Variants in DPP6 observed in about 807,000 individuals in gnomAD.
The protein encoded by DPP6 is dipeptidyl peptidase like 6.
Under a neutral mutation model 122.6 loss-of-function variants are expected in DPP6, and 69 were observed. The observed-to-expected ratio is 0.56, with a 90% CI of 0.46 to 0.69. The LOEUF (loss-of-function observed/expected upper bound fraction) is 0.69. DPP6 is among the 30% of genes least tolerant of loss of function. DPP6 has a pLI of 0.00. For missense variants in DPP6, 928 were observed against 1,116.9 expected (o/e 0.83, Z 2.41); for synonymous variants, 418 against 433.1 (o/e 0.97, Z 0.43).
chr7:154,240,167 G>C (rs1278131314), intron 1 of DPP6, among the ~76,000 whole-genome samples: 1 of 152,016 alleles, frequency 6.6e-6, no homozygotes, highest in Non-Finnish European at 1.5e-5. Flanking sequence ...CTTTGTTGTA[G>C]GTTTTAAGGA....
intron 25 of DPP6, among the ~76,000 whole-genome samples, chr7:154,891,823 T>A (rs1020813631): frequency 2.6e-5 from 4 of 152,242 alleles, no homozygotes; most frequent in African/African-American, 9.6e-5. Context: ...TGACCTCAAG[T>A]GATCCTCCCG....
At chr7:154,064,664 T>C (rs2150496333) in intron 1 of DPP6, among the ~76,000 whole-genome samples, 1 of 152,270 alleles carries the variant, frequency 6.6e-6, no homozygotes, top group East Asian at 1.9e-4. Context: ...CTTTTCTCTG[T>C]GGGTGTTAAT....
chr7:154,340,892 G>A (rs1268017800), intron 1 of DPP6, among the ~76,000 whole-genome samples: 4 of 152,098 alleles, frequency 2.6e-5, no homozygotes, highest in South Asian at 4.2e-4. Flanking sequence ...AATGCCTGGC[G>A]CTGCTCTTTT....
chr7:154,679,701 T>C (rs1470867419), intron 7 of DPP6, among the ~76,000 whole-genome samples: 4 of 152,198 alleles, frequency 2.6e-5, no homozygotes, highest in African/African-American at 9.6e-5. Context: ...TGACATCCCA[T>C]TAATAACTTA....
chr7:153,846,046 A>G, the DPP6 span, among the ~76,000 whole-genome samples: 1 of 152,232 alleles, frequency 6.6e-6, no homozygotes, highest in African/African-American at 2.4e-5. Flanking sequence ...GTTTAACTTT[A>G]TGACATAATA....
rs1227101567 is a variant in DPP6 at position 154,483,580 on chromosome 7, A to G, written c.457+8543A>G. ...GCCTTATTTGGTCAATCCTGTTGGA[A>G]AGTTCTTAGTTACAGAAGTTAGTTG... On this transcript the variant is annotated intron_variant, in intron 3 of 25. Transcript: ENST00000377770. The surrounding 1 kb of genome is among the most constrained non-coding windows in gnomAD (Gnocchi z 8.1). Among the ~76,000 whole-genome samples the G allele has an allele frequency of 6.6e-6, 1 of 152,198 alleles. No homozygotes were observed. The highest frequency in any genetic ancestry group is 1.5e-5 in the Non-Finnish European group (1 of 68,030).
At chr7:153,855,001 C>T in the DPP6 span, among the ~76,000 whole-genome samples, 1 of 141,468 alleles carries the variant, frequency 7.1e-6, no homozygotes, top group African/African-American at 2.6e-5. Context: ...AAAAACCAAA[C>T]ACCGCATATT....
chr7:154,108,140 C>G (rs533753925), intron 1 of DPP6, among the ~76,000 whole-genome samples: 2 of 152,134 alleles, frequency 1.3e-5, no homozygotes, highest in African/African-American at 4.8e-5. Context: ...AGATTCATGG[C>G]GCCAAAGGAT....
chr7:153,924,792 A>G (rs549008916), intron 1 of DPP6, among the ~76,000 whole-genome samples: 1 of 152,332 alleles, frequency 6.6e-6, no homozygotes, highest in African/African-American at 2.4e-5. Context: ...TGTGCCCACA[A>G]GCCAGGCTAC....
the DPP6 span, among the ~76,000 whole-genome samples, chr7:153,787,836 TC>T: frequency 2.3e-5 from 1 of 43,582 alleles, no homozygotes; most frequent in Admixed American, 3.9e-4. Context: ...ATTTACAATT[TC>T]TTTTTTTTTT....
At chr7:153,975,479 C>A (rs140217041) in intron 1 of DPP6, among the ~76,000 whole-genome samples, 9 of 151,242 alleles carry the variant, frequency 6.0e-5, no homozygotes, top group Admixed American at 2.6e-4. Context: ...CACAGCAAGT[C>A]TCCTTGTTAT....
At chr7:153,868,852 TC>T in the DPP6 span, among the ~76,000 whole-genome samples, 2 of 152,232 alleles carry the variant, frequency 1.3e-5, no homozygotes, top group Non-Finnish European at 2.9e-5. Flanking sequence ...GTATGTTTTG[TC>T]TTTGTTCTCG....
At chr7:154,072,734 C>T (rs1394312032) in intron 1 of DPP6, among the ~76,000 whole-genome samples, 2 of 152,260 alleles carry the variant, frequency 1.3e-5, no homozygotes, top group East Asian at 1.9e-4. Flanking sequence ...AACCTGTGCC[C>T]GTTTGTTTGG....
At chr7:153,805,146 G>A in the DPP6 span, among the ~76,000 whole-genome samples, 3 of 152,124 alleles carry the variant, frequency 2.0e-5, no homozygotes, top group Non-Finnish European at 4.4e-5. Context: ...ATGAAATAAG[G>A]ACTTAAGTAA....
At chr7:153,982,099 G>T (rs570707900) in intron 1 of DPP6, among the ~76,000 whole-genome samples, 1 of 152,188 alleles carries the variant, frequency 6.6e-6, no homozygotes, top group African/African-American at 2.4e-5. Context: ...TGCCTTGCTA[G>T]GTTGGGGAAG....
chr7:154,221,338 A>T (rs957076151), intron 1 of DPP6, among the ~76,000 whole-genome samples: 1 of 152,036 alleles, frequency 6.6e-6, no homozygotes, highest in African/African-American at 2.4e-5. Flanking sequence ...GTGGGGTTTC[A>T]CCATGTTGGC....
chr7:154,263,804 C>T (rs1803192172), intron 1 of DPP6, among the ~76,000 whole-genome samples: 1 of 152,144 alleles, frequency 6.6e-6, no homozygotes, highest in South Asian at 2.1e-4. Flanking sequence ...GATTCTCCTG[C>T]CTCAGCCTCC....
intron 1 of DPP6, among the ~76,000 whole-genome samples, chr7:154,429,026 A>G (rs1818139880): frequency 1.3e-5 from 2 of 152,156 alleles, no homozygotes; most frequent in African/African-American, 4.8e-5. Flanking sequence ...AACAAAATAA[A>G]GAGAATATAT....
intron 1 of DPP6, among the ~76,000 whole-genome samples, chr7:153,971,182 ATTT>A (rs1279182879): frequency 1.3e-5 from 2 of 152,106 alleles, no homozygotes; most frequent in Non-Finnish European, 2.9e-5. Flanking sequence ...CTGAGATTAT[ATTT>A]TTAAGATTAT....
Sources: gnomAD v4.1 joint callset for allele counts (sites outside exome capture counted in the v4.1 genomes callset) on GRCh38, gnomAD v4.1.1 for gene constraint, Gnocchi (gnomAD v3.1) non-coding constraint, MANE v1.5 for transcripts, NCBI Gene and HGNC (gene_info 2026-07-23, HGNC 2026-07-21) for gene names.